The following MTHFD1L variants were observed in gnomAD, a reference collection of about 807,000 sequenced individuals.
MTHFD1L encodes the protein monofunctional C1-tetrahydrofolate synthase, mitochondrial.
A neutral mutation model predicts 119.5 loss-of-function variants in MTHFD1L; 81 were observed. The observed-to-expected ratio is 0.68, with a 90% CI of 0.57 to 0.82. The LOEUF (loss-of-function observed/expected upper bound fraction) is 0.82. Ranked by LOEUF, MTHFD1L falls within the 40% of genes least tolerant of loss-of-function variation. The pLI is 0.00. For missense variants in MTHFD1L, 1,125 were observed against 1,253.4 expected, an observed-to-expected ratio of 0.90 and a Z score of 1.55; for synonymous variants, 430 against 475.2, an observed-to-expected ratio of 0.90 and a Z score of 1.24.
chr6:151,057,907 T>C (rs1220969557), intron 26 of MTHFD1L, among the ~76,000 whole-genome samples: 1 of 152,126 alleles, frequency 6.6e-6, no homozygotes, highest in Non-Finnish European at 1.5e-5. Context: ...GCCTCCCAAG[T>C]AGCTGGGATT....
intron 12 of MTHFD1L, 92 bp from the exon 13 acceptor site, chr6:150,938,606 GT>G: frequency 5.9e-6 from 8 of 1,364,100 alleles, no homozygotes; most frequent in Non-Finnish European, 7.2e-6. Context: ...ACGCCTCTCT[GT>G]TGGGTTTGGG....
At chr6:150,866,440 G>T in intron 1 of MTHFD1L, 1 of 1,339,196 alleles carries the variant, frequency 7.5e-7, no homozygotes, top group South Asian at 1.9e-5. Context: ...CGAGGAGCAG[G>T]AGGAGGGCGG....
intron 26 of MTHFD1L, among the ~76,000 whole-genome samples, chr6:151,075,134 A>G (rs1302348087): frequency 2.0e-5 from 3 of 152,192 alleles, no homozygotes; most frequent in South Asian, 2.1e-4. Context: ...ATAGCAAAAT[A>G]GTAGATTTAA....
intron 18 of MTHFD1L, among the ~76,000 whole-genome samples, chr6:150,963,870 G>GA (rs1222953880): frequency 6.6e-6 from 1 of 152,082 alleles, no homozygotes; most frequent in East Asian, 1.9e-4. Context: ...AAGGAATTGG[G>GA]AAAAAAAGAA....
intron 1 of MTHFD1L, chr6:150,866,371 C>G (rs1049439882): frequency 4.1e-5 from 57 of 1,406,440 alleles, no homozygotes; most frequent in Admixed American, 9.7e-5. Context: ...GCAATCGCGC[C>G]GGGCGCGACC....
At chr6:150,958,960 A>C (rs1002461340) in intron 17 of MTHFD1L, among the ~76,000 whole-genome samples, 27 of 152,288 alleles carry the variant, frequency 1.8e-4, no homozygotes, top group Admixed American at 1.7e-3. Context: ...TTACACAGCT[A>C]ATATTTCAAG....
intron 11 of MTHFD1L, among the ~76,000 whole-genome samples, chr6:150,934,098 A>G (rs1303416891): frequency 6.6e-6 from 1 of 152,206 alleles, no homozygotes; most frequent in Non-Finnish European, 1.5e-5. Flanking sequence ...ATTTCCATCC[A>G]TGGAGAACCT....
chr6:150,958,513 G>A (rs980792735), intron 17 of MTHFD1L, among the ~76,000 whole-genome samples: 1 of 152,180 alleles, frequency 6.6e-6, no homozygotes, highest in South Asian at 2.1e-4. Flanking sequence ...TAACTTCCAG[G>A]AAATTCATAC....
chr6:150,932,874 A>G (rs977027315), intron 11 of MTHFD1L, among the ~76,000 whole-genome samples: 60 of 145,022 alleles, frequency 4.1e-4, no homozygotes, highest in African/African-American at 7.6e-4. Flanking sequence ...CCTTAAGGAA[A>G]GAAGGAAGGA....
intron 24 of MTHFD1L, among the ~76,000 whole-genome samples, chr6:151,033,210 C>A (rs1036853664): frequency 1.3e-5 from 2 of 151,856 alleles, no homozygotes; most frequent in African/African-American, 4.8e-5. Flanking sequence ...ACCTCTGCCT[C>A]CCAGGGTCAA....
intron 20 of MTHFD1L, among the ~76,000 whole-genome samples, chr6:150,975,812 T>C (rs1000477783): frequency 6.6e-6 from 1 of 152,216 alleles, no homozygotes; most frequent in African/African-American, 2.4e-5. Context: ...AGAAGCCCCC[T>C]GAGCAGTACC....
chr6:150,964,996 A>G lies in MTHFD1L; in HGVS notation c.1972A>G (p.Met658Val), dbSNP rs1168517682. 2 of 1,614,046 alleles carry G rather than the reference A, an allele frequency of 1.2e-6. No individual in the cohort carries two copies. The highest frequency in any genetic ancestry group is 1.7e-5 in the Admixed American group (1 of 60,020). Residue 658 changes from methionine (M) to valine (V), a missense_variant, in exon 19 of 28, where the codon ATG becomes GTG. Met to Val is a conservative substitution (Grantham distance 21, BLOSUM62 1). Transcript: ENST00000367321. ...LGVTGALTVL[M>V]KDAIKPNLMQ... ...GGTGACAGGTGCTTTGACAGTTTTG[A>G]TGAAAGATGCAATAAAACCAAACCT... is the stretch of plus-strand genomic sequence containing the variant.
chr6:151,028,013 G>A (rs761008472), intron 24 of MTHFD1L, among the ~76,000 whole-genome samples: 6 of 152,146 alleles, frequency 3.9e-5, no homozygotes, highest in East Asian at 3.9e-4. Context: ...CAGTGGTGGC[G>A]AGGTTGAGGC....
At chr6:150,978,689 C>T (rs962254181) in intron 20 of MTHFD1L, among the ~76,000 whole-genome samples, 6 of 152,102 alleles carry the variant, frequency 3.9e-5, no homozygotes, top group Non-Finnish European at 7.4e-5. Flanking sequence ...AGCATTAGAC[C>T]GGTGCTGAGA....
chr6:150,894,574 T>A (rs1032379989), intron 7 of MTHFD1L, among the ~76,000 whole-genome samples: 1 of 152,216 alleles, frequency 6.6e-6, no homozygotes, highest in Non-Finnish European at 1.5e-5. Context: ...TCCAAAGCTG[T>A]GGACCTCTTC....
intron 4 of MTHFD1L, among the ~76,000 whole-genome samples, chr6:150,880,998 C>T (rs547447365): frequency 6.6e-6 from 1 of 152,194 alleles, no homozygotes; most frequent in East Asian, 1.9e-4. Flanking sequence ...AACCCCTTGT[C>T]GGACGCATAC....
intron 19 of MTHFD1L, among the ~76,000 whole-genome samples, chr6:150,968,357 A>G (rs1268749294): frequency 6.6e-6 from 1 of 152,236 alleles, no homozygotes; most frequent in East Asian, 1.9e-4. Flanking sequence ...TTTTTACTAC[A>G]TTCTCCTAAA....
At chr6:151,094,441 C>T (rs1794721877) in intron 27 of MTHFD1L, among the ~76,000 whole-genome samples, 1 of 152,242 alleles carries the variant, frequency 6.6e-6, no homozygotes, top group Non-Finnish European at 1.5e-5. Flanking sequence ...CTGCTCACTG[C>T]AACCTCCGCC....
In MTHFD1L at chr6:150,866,040, C is replaced by G; in HGVS notation, c.218C>G (p.Ser73Cys). The change falls in exon 1 of 28, where the codon TCC becomes TGC. Residue 73 changes from serine to cysteine, a missense_variant. Ser to Cys is a moderately radical substitution (Grantham distance 112). Coordinates refer to ENST00000367321, the MANE Select transcript of MTHFD1L (RefSeq NM_015440.5). Reference protein sequence around the residue: ...PGGRTPAARDSIVREVIQNSK... With the variant: ...PGGRTPAARDCIVREVIQNSK... ...GGCCGAACGCCCGCGGCGCGGGACTCCATCGTCAGGTGAGTGTCGGGTCTG... is the reference window on the plus strand; with the variant it reads ...GGCCGAACGCCCGCGGCGCGGGACTGCATCGTCAGGTGAGTGTCGGGTCTG... The G allele has an allele frequency of 7.5e-6, 11 of 1,457,584 alleles. No individual in the cohort carries two copies. The highest frequency in any genetic ancestry group is 9.9e-6 in the Non-Finnish European group (11 of 1,112,228). The allele number at this position is 1,457,584 out of a possible 1,614,324, so 90.3% of individuals were successfully genotyped here. A position where few individuals can be genotyped will look rare whatever the true frequency, so the allele number is the denominator to read the frequency against.
Sources: gnomAD v4.1 joint callset for allele counts (sites outside exome capture counted in the v4.1 genomes callset) on GRCh38, gnomAD v4.1.1 for gene constraint, MANE v1.5 for transcripts, NCBI Gene and HGNC (gene_info 2026-07-23, HGNC 2026-07-21) for gene names.